LRBA: variants seen among roughly 807,000 people sequenced by gnomAD.
The protein encoded by LRBA is lipopolysaccharide-responsive and beige-like anchor protein.
In LRBA, 176 loss-of-function variants were observed where a neutral mutation model predicts 330.0. That is an observed-to-expected ratio of 0.53 (90% confidence interval 0.47 to 0.60). The LOEUF (loss-of-function observed/expected upper bound fraction) is 0.60, where lower values mean the gene tolerates loss of function less well. Ranked by LOEUF, LRBA falls within the 20% of genes least tolerant of loss-of-function variation. The pLI is 0.00. For missense variants in LRBA, 3,259 were observed against 3,444.8 expected (o/e 0.95, Z 1.35); for synonymous variants, 1,230 against 1,193.0 (o/e 1.03, Z -0.64).
chr4:150,838,271 G>C (rs1403383291), intron 28 of LRBA, among the ~76,000 whole-genome samples: 1 of 152,012 alleles, frequency 6.6e-6, no homozygotes, highest in Non-Finnish European at 1.5e-5. Context: ...TATGTGTCTT[G>C]GAGTTGCTCT....
intron 44 of LRBA, among the ~76,000 whole-genome samples, chr4:150,464,576 C>A (rs1354317118): frequency 1.3e-5 from 2 of 151,876 alleles, no homozygotes; most frequent in Non-Finnish European, 2.9e-5. Flanking sequence ...TTAAACCAAC[C>A]ATTTATCATT....
chr4:150,776,458 C>T (rs554478243), intron 34 of LRBA, among the ~76,000 whole-genome samples: 1 of 152,294 alleles, frequency 6.6e-6, no homozygotes, highest in South Asian at 2.1e-4. Context: ...TATTGTTTAT[C>T]TGTTTCGTAT....
intron 47 of LRBA, among the ~76,000 whole-genome samples, chr4:150,363,223 A>C (rs149333009): frequency 9.9e-5 from 15 of 152,272 alleles, no homozygotes; most frequent in Middle Eastern, 3.4e-3. Context: ...TTATATCTGT[A>C]ATGTCCATTC....
At chr4:150,316,117 G>C (rs1287476850) in intron 50 of LRBA, among the ~76,000 whole-genome samples, 1 of 152,130 alleles carries the variant, frequency 6.6e-6, no homozygotes, top group East Asian at 1.9e-4. Flanking sequence ...TCAATCAATT[G>C]AAAGTTTGAA....
Position 150,831,961 on chromosome 4 carries a change from C to T in LRBA, c.4585G>A (p.Ala1529Thr). The part of the protein sequence containing the change: ...VFRDIEDSKQ[A>T]QFLALAVVYF... ...ACTACTGCCAAGGCTAAAAATTGAG[C>T]TTGTTTGCTATCCTCCTGGGAAAAA... Residue 1529 changes from alanine to threonine, a missense_variant, in exon 29 of 57, where the codon GCT becomes ACT. Transcript: ENST00000651943. 6.6e-7 allele frequency: 1 copy of T among 1,520,422 alleles called. No homozygotes were observed. Among genetic ancestry groups the T allele is most frequent in the South Asian group, 1.3e-5 (1 of 74,316 alleles). 94.2% of individuals were successfully genotyped at this position (1,520,422 alleles called of 1,614,324 possible). A position where few individuals can be genotyped will look rare whatever the true frequency, so the allele number is the denominator to read the frequency against.
chr4:150,704,136 C>A (rs1194616320), intron 36 of LRBA, among the ~76,000 whole-genome samples: 2 of 152,106 alleles, frequency 1.3e-5, no homozygotes, highest in Non-Finnish European at 2.9e-5. Context: ...GTCACTTGGG[C>A]CCAGGGGTTT....
At chr4:150,833,333 C>G (rs1578930515) in intron 28 of LRBA, among the ~76,000 whole-genome samples, 1 of 151,796 alleles carries the variant, frequency 6.6e-6, no homozygotes. Context: ...AAAGAAAAAA[C>G]TCAAATTTAT....
intron 47 of LRBA, among the ~76,000 whole-genome samples, chr4:150,357,452 C>G (rs941335477): frequency 5.9e-5 from 9 of 151,964 alleles, no homozygotes; most frequent in Admixed American, 2.0e-4. Flanking sequence ...CCTTCCTTTA[C>G]AGAGAGATGA....
At chr4:150,394,090 C>G (rs1044954701) in intron 47 of LRBA, among the ~76,000 whole-genome samples, 3 of 152,158 alleles carry the variant, frequency 2.0e-5, no homozygotes, top group Non-Finnish European at 4.4e-5. Context: ...ATTTAATCTT[C>G]TTTTACATAA....
chr4:150,395,495 C>T (rs1437023522), intron 47 of LRBA, among the ~76,000 whole-genome samples: 2 of 151,964 alleles, frequency 1.3e-5, no homozygotes, highest in Non-Finnish European at 2.9e-5. Context: ...CTGTTATGGC[C>T]TCCTAATTGA....
At chr4:150,759,430 A>C (rs1355567768) in intron 35 of LRBA, among the ~76,000 whole-genome samples, 1 of 152,080 alleles carries the variant, frequency 6.6e-6, no homozygotes, top group East Asian at 1.9e-4. Flanking sequence ...AGAAGCTCTC[A>C]CTTGTACACT....
At chr4:150,639,757 ATATATATATATATATATATATATATGTG>A (rs1663198141) in intron 37 of LRBA, among the ~76,000 whole-genome samples, 2 of 17,916 alleles carry the variant, frequency 1.1e-4, no homozygotes, top group African/African-American at 2.5e-4. Context: ...ATATATATAT[ATATATATATATATATATATATATATGTG>A]TGTGTGTATA....
At chr4:150,304,864 AG>A (rs1730153949) in intron 52 of LRBA, among the ~76,000 whole-genome samples, 3 of 152,354 alleles carry the variant, frequency 2.0e-5, no homozygotes, top group African/African-American at 7.2e-5. Flanking sequence ...AGAAAATCAA[AG>A]GTTAAATCCA....
At chr4:150,432,054 T>C (rs1281370263) in intron 46 of LRBA, among the ~76,000 whole-genome samples, 1 of 152,144 alleles carries the variant, frequency 6.6e-6, no homozygotes, top group Non-Finnish European at 1.5e-5. Context: ...GATTTTAAGA[T>C]ATTCAAGTAA....
chr4:150,424,771 A>G (rs576862209), intron 46 of LRBA, among the ~76,000 whole-genome samples: 8 of 152,272 alleles, frequency 5.3e-5, no homozygotes, highest in Non-Finnish European at 1.2e-4. Context: ...TGCAAACACC[A>G]CACAGAAAGT....
At chr4:150,908,626 A>G (rs745459494) in intron 10 of LRBA, 34 bp downstream of exon 10, 2 of 1,567,232 alleles carry the variant, frequency 1.3e-6, no homozygotes, top group Admixed American at 3.6e-5. Flanking sequence ...AAAAATTACC[A>G]TTATAAATGT....
chr4:150,715,591 C>A (rs926995803), intron 36 of LRBA, among the ~76,000 whole-genome samples: 1 of 152,168 alleles, frequency 6.6e-6, no homozygotes, highest in African/African-American at 2.4e-5. Context: ...TAAAATACCA[C>A]ATCAGGTTGC....
Position 150,734,369 on chromosome 4 carries a change from T to C in LRBA, c.5754+889A>G, listed in dbSNP as rs189909078. 5.9e-5 allele frequency among the ~76,000 whole-genome samples: 9 copies of C among 152,280 alleles called. No homozygotes were observed. The East Asian group carries it at 1.7e-3, about 29-fold the overall frequency. The stretch of plus-strand genomic sequence containing the variant: ...AATTATGTTATTTAAAGTTATAGTT[T>C]AAATTTTGTACTTATATTCTTAAGT... On this transcript the variant is annotated intron_variant, in intron 36 of 56. Transcript: ENST00000651943.
intron 5 of LRBA, among the ~76,000 whole-genome samples, chr4:150,920,492 T>C (rs1451012616): frequency 6.6e-6 from 1 of 152,118 alleles, no homozygotes; most frequent in African/African-American, 2.4e-5. Context: ...GAGGTTGCAG[T>C]GAGCCGAGAT....
Sources: gnomAD v4.1 joint callset for allele counts (sites outside exome capture counted in the v4.1 genomes callset) on GRCh38, gnomAD v4.1.1 for gene constraint, MANE v1.5 for transcripts, NCBI Gene and HGNC (gene_info 2026-07-23, HGNC 2026-07-21) for gene names.